AP3S2: variants seen among roughly 807,000 people sequenced by gnomAD.
AP3S2 encodes adaptor related protein complex 3 subunit sigma 2.
Under a neutral mutation model 23.4 loss-of-function variants are expected in AP3S2, and 22 were observed. The ratio of observed to expected loss-of-function variants is 0.94; its 90% CI spans 0.67 to 1.34. The LOEUF is 1.34. Ranked by LOEUF, AP3S2 falls within the 40% of genes most tolerant of loss-of-function variation. The pLI, the probability that AP3S2 is intolerant of heterozygous loss-of-function variation, is 0.00. For missense variants in AP3S2, 241 were observed against 236.9 expected (o/e 1.02, Z -0.11); for synonymous variants, 86 against 87.1 (o/e 0.99, Z 0.07).
chr15:89,886,897 C>A (rs1192190328), intron 3 of AP3S2, among the ~76,000 whole-genome samples: 2 of 152,122 alleles, frequency 1.3e-5, no homozygotes, highest in Non-Finnish European at 2.9e-5. Flanking sequence ...TGGGTTCATG[C>A]GATTCTCCCA....
chr15:89,870,108 T>G (rs1896283574), intron 4 of AP3S2, among the ~76,000 whole-genome samples: 1 of 152,188 alleles, frequency 6.6e-6, no homozygotes, highest in Non-Finnish European at 1.5e-5. Context: ...CCATTCCCCC[T>G]ATATTTTCAA....
chr15:89,858,523 G>GAGAAAGAAAGAA (rs58144640), intron 4 of AP3S2, among the ~76,000 whole-genome samples: 141 of 53,182 alleles, frequency 2.7e-3, no homozygotes, highest in East Asian at 0.012. Context: ...GAGAGAGAGA[G>GAGAAAGAAAGAA]AGAAAGAAAG....
At chr15:89,836,995 T>C (rs1358286493) in intron 5 of AP3S2, among the ~76,000 whole-genome samples, 1 of 152,208 alleles carries the variant, frequency 6.6e-6, no homozygotes, top group East Asian at 1.9e-4. Context: ...CTGTAACCTC[T>C]GTGCTCTGGG....
rs1460110101 is a variant in AP3S2, at chr15:89,834,088, C to T, written c.*1427G>A. ...AAGAACATTTATGGGCGCCTAAGCC[C>T]TGGGAGAATGGCACCTGAGGGAACA... On this transcript the variant is annotated 3_prime_UTR_variant, in exon 6 of 6. Transcript: ENST00000336418. 1 of 152,344 alleles carries T rather than the reference C, an allele frequency of 6.6e-6. No individual in the cohort carries two copies. The highest frequency in any genetic ancestry group is 2.4e-5 in the African/African-American group (1 of 41,458). 9.4% of individuals were successfully genotyped at this position (152,344 alleles called of 1,614,324 possible).
At chr15:89,869,940 C>G (rs2141879862) in intron 4 of AP3S2, among the ~76,000 whole-genome samples, 1 of 152,242 alleles carries the variant, frequency 6.6e-6, no homozygotes, top group East Asian at 1.9e-4. Flanking sequence ...AAGGTTTTGC[C>G]ATGTTGGCCA....
intron 5 of AP3S2, among the ~76,000 whole-genome samples, chr15:89,837,374 C>A (rs774169334): frequency 5.3e-5 from 8 of 152,200 alleles, no homozygotes; most frequent in Non-Finnish European, 8.8e-5. Context: ...CCTTCCTCTG[C>A]CATCTGGCTT....
chr15:89,882,975 T>C (rs932982412), intron 3 of AP3S2, among the ~76,000 whole-genome samples: 33 of 152,358 alleles, frequency 2.2e-4, no homozygotes, highest in African/African-American at 7.9e-4. Flanking sequence ...CTGTCATCTT[T>C]GCTTGACTCT....
chr15:89,847,155 T>C (rs776550000), intron 4 of AP3S2, among the ~76,000 whole-genome samples: 1 of 151,544 alleles, frequency 6.6e-6, no homozygotes, highest in South Asian at 2.1e-4. Context: ...GGAAGGAGGA[T>C]TGCTTGAGCC....
chr15:89,844,332 CTTCT>C (rs572910778), intron 4 of AP3S2, among the ~76,000 whole-genome samples: 32 of 101,482 alleles, frequency 3.2e-4, no homozygotes, highest in African/African-American at 9.0e-4. Context: ...TCCTTCCTTC[CTTCT>C]TTCTTTCTTT....
chr15:89,851,878 G>T (rs1895664883), intron 4 of AP3S2, among the ~76,000 whole-genome samples: 2 of 150,770 alleles, frequency 1.3e-5, no homozygotes, highest in Non-Finnish European at 2.9e-5. Flanking sequence ...GCTACTACCT[G>T]TTTGCACTGC....
chr15:89,879,658 T>G (rs1322083505), intron 3 of AP3S2, among the ~76,000 whole-genome samples: 1 of 152,128 alleles, frequency 6.6e-6, no homozygotes, highest in Non-Finnish European at 1.5e-5. Context: ...CAGCCTGGAG[T>G]GCAGTGGCAC....
intron 4 of AP3S2, among the ~76,000 whole-genome samples, chr15:89,844,064 AC>A (rs1895402347): frequency 6.6e-6 from 1 of 152,186 alleles, no homozygotes; most frequent in Non-Finnish European, 1.5e-5. Context: ...AGCATTTAAA[AC>A]TAAAGTAATA....
In AP3S2 at chr15:89,835,282, G is replaced by T; in HGVS notation, c.*233C>A. 1 of 633,904 alleles carries T rather than the reference G, an allele frequency of 1.6e-6. No homozygotes were observed. The highest frequency in any genetic ancestry group is 2.6e-6 in the Non-Finnish European group (1 of 388,318). The allele number at this position is 633,904 out of a possible 1,614,324, so 39.3% of individuals were successfully genotyped here. On this transcript the variant is annotated 3_prime_UTR_variant, in exon 6 of 6. Coordinates refer to ENST00000336418, the MANE Select transcript of AP3S2 (RefSeq NM_005829.5). ...GGCAGGGCCCCTCACATCTGCAGTGGCCGTATGCATCAGAGAACGGCATGA... is the reference window on the plus strand; with the variant it reads ...GGCAGGGCCCCTCACATCTGCAGTGTCCGTATGCATCAGAGAACGGCATGA...
chr15:89,859,019 T>C (rs1895935259), intron 4 of AP3S2, among the ~76,000 whole-genome samples: 1 of 142,166 alleles, frequency 7.0e-6, no homozygotes, highest in South Asian at 2.2e-4. Flanking sequence ...GTTTTTTTCT[T>C]TTTTTTTTTC....
intron 3 of AP3S2, among the ~76,000 whole-genome samples, chr15:89,879,039 C>G (rs1326614395): frequency 6.6e-6 from 1 of 152,270 alleles, no homozygotes. Flanking sequence ...GGCCGCCGCA[C>G]CCAGCCAGGC....
chr15:89,877,668 G>C (rs1896475300), intron 3 of AP3S2, among the ~76,000 whole-genome samples: 1 of 152,068 alleles, frequency 6.6e-6, no homozygotes, highest in African/African-American at 2.4e-5. Flanking sequence ...GAGCAACATG[G>C]TGAAAACCCC....
intron 4 of AP3S2, among the ~76,000 whole-genome samples, chr15:89,855,945 T>TAAAAAAAAAAAA (rs34784306): frequency 3.6e-5 from 4 of 111,984 alleles, no homozygotes; most frequent in Admixed American, 9.7e-5. Context: ...ATATGTCCTT[T>TAAAAAAAAAAAA]AAAAAAAAAA....
At chr15:89,869,219 T>C (rs1896252908) in intron 4 of AP3S2, among the ~76,000 whole-genome samples, 1 of 149,048 alleles carries the variant, frequency 6.7e-6, no homozygotes, top group African/African-American at 2.5e-5. Context: ...CATTTTGTTC[T>C]GCACTAAGAA....
chr15:89,854,488 G>A, intron 4 of AP3S2, among the ~76,000 whole-genome samples: 1 of 63,858 alleles, frequency 1.6e-5, no homozygotes, highest in South Asian at 8.2e-4. Flanking sequence ...GAGCCCCTCT[G>A]CCCGGCCAGC....
Sources: gnomAD v4.1 joint callset for allele counts (sites outside exome capture counted in the v4.1 genomes callset) on GRCh38, gnomAD v4.1.1 for gene constraint, MANE v1.5 for transcripts, NCBI Gene and HGNC (gene_info 2026-07-23, HGNC 2026-07-21) for gene names.